Variants in OLA1 observed in about 807,000 individuals in gnomAD.
The protein encoded by OLA1 is obg-like ATPase 1.
A neutral mutation model predicts 48.4 loss-of-function variants in OLA1; 14 were observed. The observed-to-expected ratio is 0.29, with a 90% CI of 0.19 to 0.45. The LOEUF (loss-of-function observed/expected upper bound fraction) is 0.45. Among genes scored for constraint, OLA1 ranks in the 20% least tolerant of loss-of-function variants. OLA1 has a pLI of 1.00. For missense variants in OLA1, 325 were observed against 467.1 expected, an observed-to-expected ratio of 0.70 and a Z score of 2.80; for synonymous variants, 127 against 150.4, an observed-to-expected ratio of 0.84 and a Z score of 1.14.
intron 4 of OLA1, among the ~76,000 whole-genome samples, chr2:174,150,085 C>T (rs1206068373): frequency 1.3e-5 from 2 of 152,142 alleles, no homozygotes; most frequent in Admixed American, 1.3e-4. Context: ...CAATGTGTTC[C>T]GCGAAAGTTC....
chr2:174,123,700 A>AAT lies in OLA1; in HGVS notation c.550-27_550-26dup, dbSNP rs756645514. On this transcript the variant is annotated intron_variant, in intron 5 of 10. Transcript: ENST00000284719. The stretch of plus-strand genomic sequence containing the variant: ...CCTACACATGATTGAGAAAAAGGTA[A>AAT]ATATATATGAATAACTAAACATTTA... 7.5e-6 allele frequency: 9 copies of AAT among 1,196,500 alleles called. No homozygotes were observed. The African/African-American group carries it at 1.2e-4, about 17-fold the overall frequency. 74.1% of individuals were successfully genotyped at this position (1,196,500 alleles called of 1,614,324 possible). A position where few individuals can be genotyped will look rare whatever the true frequency, so the allele number is the denominator to read the frequency against.
At chr2:174,107,774 A>C (rs2105356847) in intron 7 of OLA1, among the ~76,000 whole-genome samples, 2 of 152,228 alleles carry the variant, frequency 1.3e-5, no homozygotes, top group Middle Eastern at 6.8e-3. Flanking sequence ...ATTCTCGATT[A>C]GATTATAGAA....
chr2:174,203,432 T>G lies in OLA1; in HGVS notation c.373+19601A>C, dbSNP rs138378761. Among the ~76,000 whole-genome samples the G allele has an allele frequency of 8.9e-3, 1,350 of 151,448 alleles. 73 individuals are homozygous for G. The highest frequency in any genetic ancestry group is 0.082 in the Admixed American group (1,245 of 15,240). Reference sequence around the variant, plus strand: ...AAACCATCACCCTAACAAATTCAAGTGCACTCACTCCTAACTACTGTCTAG... The same window carrying G: ...AAACCATCACCCTAACAAATTCAAGGGCACTCACTCCTAACTACTGTCTAG... On this transcript the variant is annotated intron_variant, in intron 4 of 10. Transcript: ENST00000284719.
intron 4 of OLA1, among the ~76,000 whole-genome samples, chr2:174,199,070 G>C (rs76375715): frequency 6.8e-6 from 1 of 147,782 alleles, no homozygotes; most frequent in East Asian, 3.6e-4. Context: ...CATCTCTAAC[G>C]TGCTGGGTGA....
chr2:174,131,391 G>A (rs539662915), intron 5 of OLA1, among the ~76,000 whole-genome samples: 1 of 151,928 alleles, frequency 6.6e-6, no homozygotes, highest in Non-Finnish European at 1.5e-5. Context: ...TACACTTTAA[G>A]GCTATTAGGA....
intron 4 of OLA1, among the ~76,000 whole-genome samples, chr2:174,221,815 G>A (rs1688512688): frequency 6.6e-6 from 1 of 152,098 alleles, no homozygotes; most frequent in Non-Finnish European, 1.5e-5. Context: ...CCTTCTCTAT[G>A]AAATCCTCAC....
chr2:174,080,377 G>A (rs992078017), intron 9 of OLA1, among the ~76,000 whole-genome samples: 40 of 151,948 alleles, frequency 2.6e-4, no homozygotes, highest in Non-Finnish European at 5.0e-4. Context: ...AAAAGTTCTG[G>A]TATTATTTTT....
intron 7 of OLA1, among the ~76,000 whole-genome samples, chr2:174,094,570 C>T (rs762499181): frequency 6.6e-6 from 1 of 152,192 alleles, no homozygotes; most frequent in South Asian, 2.1e-4. Context: ...AGCACTGGCA[C>T]GAGACTAGAC....
chr2:174,076,114 C>A (rs1467502847), intron 10 of OLA1, among the ~76,000 whole-genome samples: 1 of 152,110 alleles, frequency 6.6e-6, no homozygotes, highest in African/African-American at 2.4e-5. Context: ...GACTAATGGC[C>A]CTAGTTACAA....
chr2:174,095,998 T>C (rs1320626799), intron 7 of OLA1, among the ~76,000 whole-genome samples: 1 of 152,166 alleles, frequency 6.6e-6, no homozygotes, highest in East Asian at 1.9e-4. Context: ...ATTACAAGAA[T>C]GTAAATCAAA....
At chr2:174,108,855 A>G (rs1258677743) in intron 7 of OLA1, among the ~76,000 whole-genome samples, 1 of 152,200 alleles carries the variant, frequency 6.6e-6, no homozygotes, top group Non-Finnish European at 1.5e-5. Context: ...TATTCCATTC[A>G]TAACAGTTCA....
chr2:174,161,401 A>C (rs903656377), intron 4 of OLA1, among the ~76,000 whole-genome samples: 10 of 152,238 alleles, frequency 6.6e-5, no homozygotes, highest in Non-Finnish European at 1.0e-4. Context: ...AATGTAAAAC[A>C]GTAAAATATA....
chr2:174,109,709 C>G (rs572094615), intron 7 of OLA1, among the ~76,000 whole-genome samples: 1 of 152,096 alleles, frequency 6.6e-6, no homozygotes, highest in South Asian at 2.1e-4. Context: ...GCCATGCAAA[C>G]TATTCTGTAT....
chr2:174,123,499 G>C, intron 6 of OLA1, 96 bp downstream of exon 6: 1 of 755,670 alleles, frequency 1.3e-6, no homozygotes, highest in Non-Finnish European at 2.1e-6. Flanking sequence ...TAAAAATTTA[G>C]ATATAATGGT....
At chr2:174,091,819 C>T (rs975062331) in intron 7 of OLA1, among the ~76,000 whole-genome samples, 6 of 116,258 alleles carry the variant, frequency 5.2e-5, no homozygotes, top group African/African-American at 6.7e-5. Flanking sequence ...TTGCAGTGAG[C>T]GGAGATCATG....
intron 2 of OLA1, among the ~76,000 whole-genome samples, chr2:174,242,000 C>A (rs74467739): frequency 0.01 from 1,524 of 152,318 alleles, 22 homozygotes; most frequent in African/African-American, 0.035. Context: ...TCCTTGCCTT[C>A]CTTGCAACTA....
intron 5 of OLA1, among the ~76,000 whole-genome samples, chr2:174,141,581 A>T (rs1222861949): frequency 6.6e-6 from 1 of 152,178 alleles, no homozygotes; most frequent in Non-Finnish European, 1.5e-5. Context: ...AGGCCTACAT[A>T]GTAATCATGT....
At chr2:174,191,931 G>A (rs564425735) in intron 4 of OLA1, among the ~76,000 whole-genome samples, 4 of 152,190 alleles carry the variant, frequency 2.6e-5, no homozygotes, top group South Asian at 2.1e-4. Flanking sequence ...GAAACTAGCC[G>A]GCAGCAGTTT....
At chr2:174,200,600 A>G (rs530754007) in intron 4 of OLA1, among the ~76,000 whole-genome samples, 1 of 152,332 alleles carries the variant, frequency 6.6e-6, no homozygotes, top group South Asian at 2.1e-4. Flanking sequence ...AACAACTGGA[A>G]TATCAATATG....
Sources: gnomAD v4.1 joint callset for allele counts (sites outside exome capture counted in the v4.1 genomes callset) on GRCh38, gnomAD v4.1.1 for gene constraint, MANE v1.5 for transcripts, NCBI Gene and HGNC (gene_info 2026-07-23, HGNC 2026-07-21) for gene names.